Variants in IKZF1 observed in about 807,000 individuals in gnomAD.
IKZF1 encodes DNA-binding protein Ikaros.
A neutral mutation model predicts 51.7 loss-of-function variants in IKZF1; 10 were observed. The observed-to-expected ratio is 0.19, with a 90% confidence interval of 0.12 to 0.33. IKZF1 has a LOEUF of 0.33. IKZF1 is among the 10% of genes least tolerant of loss of function. The probability of loss-of-function intolerance (pLI) is 1.00; values close to 1 mark genes in which losing one functional copy is unlikely to be tolerated. For synonymous variants in IKZF1, 280 were observed against 282.3 expected (o/e 0.99, Z 0.08); for missense variants, 484 against 707.5 (o/e 0.68, Z 3.58).
At chr7:50,350,757 G>T (rs371247613) in intron 3 of IKZF1, among the ~76,000 whole-genome samples, 2 of 152,144 alleles carry the variant, frequency 1.3e-5, no homozygotes, top group East Asian at 3.9e-4. Context: ...CATAAATGTA[G>T]ATCTTTGGTA....
chr7:50,313,411 T>G (rs117083015), intron 1 of IKZF1, among the ~76,000 whole-genome samples: 1 of 152,208 alleles, frequency 6.6e-6, no homozygotes, highest in East Asian at 1.9e-4. Flanking sequence ...TAGCATACAT[T>G]TGGCCAAATA....
At chr7:50,310,426 C>T (rs1343495356) in intron 1 of IKZF1, among the ~76,000 whole-genome samples, 1 of 152,134 alleles carries the variant, frequency 6.6e-6, no homozygotes, top group Non-Finnish European at 1.5e-5. Flanking sequence ...CATTTTCTGT[C>T]AGGTTATAAA....
intron 1 of IKZF1, among the ~76,000 whole-genome samples, chr7:50,310,026 A>T (rs1789779999): frequency 6.6e-6 from 1 of 152,228 alleles, no homozygotes; most frequent in African/African-American, 2.4e-5. Flanking sequence ...CAGAAAATTA[A>T]GCTGATATTC....
chr7:50,343,015 CCTGT>C lies in IKZF1; in HGVS notation c.160+15261_160+15264del, dbSNP rs544333431. Among the ~76,000 whole-genome samples, 154 of 151,990 alleles carry C rather than the reference CCTGT, an allele frequency of 1.0e-3. 1 individual carries two copies. Among genetic ancestry groups the C allele is most frequent in the African/African-American group, 3.4e-3 (141 of 41,384 alleles). On this transcript the variant is annotated intron_variant, in intron 3 of 7. Transcript: ENST00000331340. ...TTTCTTTCCTCCTTTTTCCTTCCTT[CCTGT>C]CTTTCTTCTTCCTTCCTTCCTTTCT...
intron 1 of IKZF1, among the ~76,000 whole-genome samples, chr7:50,309,105 T>A (rs538650554): frequency 6.6e-6 from 1 of 152,358 alleles, no homozygotes; most frequent in South Asian, 2.1e-4. Context: ...GATGGCCCCA[T>A]GCTCCACCTC....
At chr7:50,342,803 C>A (rs1176939896) in intron 3 of IKZF1, among the ~76,000 whole-genome samples, 1 of 152,230 alleles carries the variant, frequency 6.6e-6, no homozygotes, top group Non-Finnish European at 1.5e-5. Context: ...CAGACCCCAG[C>A]CTTCCTGTGA....
intron 5 of IKZF1, among the ~76,000 whole-genome samples, chr7:50,386,822 T>C (rs147750691): frequency 5.9e-4 from 90 of 152,350 alleles, no homozygotes; most frequent in African/African-American, 2.1e-3. Flanking sequence ...TTCAAGCATA[T>C]TTGTCCAGCA....
At chr7:50,387,546 C>A (rs2153488728) in intron 6 of IKZF1, 76 bp downstream of exon 6, 1 of 1,501,288 alleles carries the variant, frequency 6.7e-7, no homozygotes, top group Non-Finnish European at 8.9e-7. Context: ...GCTCTGCATG[C>A]AGCCTTAGGA....
chr7:50,361,280 G>A (rs1187214303), intron 3 of IKZF1, among the ~76,000 whole-genome samples: 1 of 152,106 alleles, frequency 6.6e-6, no homozygotes, highest in East Asian at 1.9e-4. Flanking sequence ...TATAAAACTT[G>A]GGGGTAATTT....
chr7:50,327,679 G>A lies in IKZF1; in HGVS notation c.82G>A (p.Asp28Asn), dbSNP rs778910457. 1.4e-5 allele frequency: 23 copies of A among 1,613,396 alleles called. No homozygotes were observed. The Admixed American group carries it at 1.7e-4, about 12-fold the overall frequency. ...TGTAAGCGATACTCCAGATGAGGGC[G>A]ATGAGCCCATGCCGATCCCCGAGGA... ...PPVSDTPDEG[D>N]EPMPIPEDLS... The change falls in exon 3 of 8, where the codon GAT becomes AAT. Residue 28 changes from aspartate to asparagine, a missense_variant. Asp to Asn is a conservative substitution (Grantham distance 23, BLOSUM62 1). Transcript: ENST00000331340.
At chr7:50,344,042 CA>C (rs1433514246) in intron 3 of IKZF1, among the ~76,000 whole-genome samples, 2 of 152,054 alleles carry the variant, frequency 1.3e-5, no homozygotes, top group East Asian at 3.8e-4. Flanking sequence ...CCCAAACCCC[CA>C]AAAAATCCTC....
intron 3 of IKZF1, chr7:50,368,020 G>A (rs2153456093): frequency 1.4e-6 from 1 of 699,568 alleles, no homozygotes; most frequent in East Asian, 2.7e-5. Flanking sequence ...ATATGGGGCT[G>A]ATGACTTTAG....
At position 50,382,604 on chromosome 7, in the gene IKZF1, G is replaced by A. The variant is rs2153477621; in HGVS notation, c.486G>A (p.Arg162=). ...TCACCCAGAAGGGCAACCTGCTCCG[G>A]CACATCAAGCTGCATTCCGGGGAGA... ...ASFTQKGNLL[R]HIKLHSGEKP... The change falls in exon 5 of 8, where the codon CGG becomes CGA. Residue 162 remains arginine (R), a synonymous_variant. Coordinates refer to ENST00000331340, the MANE Select transcript of IKZF1 (RefSeq NM_006060.6). 1 of 1,613,692 alleles carries A rather than the reference G, an allele frequency of 6.2e-7. No homozygotes were observed. Among genetic ancestry groups the A allele is most frequent in the South Asian group, 1.1e-5 (1 of 91,056 alleles).
chr7:50,399,126 C>G (rs1359278936), intron 7 of IKZF1, among the ~76,000 whole-genome samples: 1 of 152,212 alleles, frequency 6.6e-6, no homozygotes, highest in African/African-American at 2.4e-5. Context: ...ATCAATAATT[C>G]TCATTACTTT....
intron 3 of IKZF1, among the ~76,000 whole-genome samples, chr7:50,348,217 C>T (rs1800877807): frequency 1.3e-5 from 2 of 152,158 alleles, no homozygotes; most frequent in Admixed American, 6.5e-5. Flanking sequence ...GAAAGAAATT[C>T]ATTTTTTAAG....
chr7:50,335,455 T>C (rs1288129387), intron 3 of IKZF1, among the ~76,000 whole-genome samples: 1 of 115,762 alleles, frequency 8.6e-6, no homozygotes, highest in Middle Eastern at 7.1e-3. Flanking sequence ...GTGTGTGTGG[T>C]GTGTATGTGT....
chr7:50,370,167 A>G (rs934103319), intron 3 of IKZF1, among the ~76,000 whole-genome samples: 1 of 152,244 alleles, frequency 6.6e-6, no homozygotes, highest in Non-Finnish European at 1.5e-5. Context: ...TTTCAAGCTT[A>G]CATGGCCTAA....
Position 50,382,711 on chromosome 7 carries a change from G to C in IKZF1, c.589+4G>C. The C allele has an allele frequency of 6.2e-7, 1 of 1,604,326 alleles. No homozygotes were observed. Among genetic ancestry groups the C allele is most frequent in the South Asian group, 1.1e-5 (1 of 90,700 alleles). On this transcript the variant is annotated splice_donor_region_variant and intron_variant, in intron 5 of 7. Coordinates refer to ENST00000331340, the MANE Select transcript of IKZF1 (RefSeq NM_006060.6). Reference sequence around the variant, plus strand: ...GGCCACCTGAGGACGCACTCCGGTAGGTCCCCTGGATGCAGTCCGGGGCTG... The same window carrying C: ...GGCCACCTGAGGACGCACTCCGGTACGTCCCCTGGATGCAGTCCGGGGCTG...
chr7:50,386,965 C>T (rs1813553995), intron 5 of IKZF1, among the ~76,000 whole-genome samples: 1 of 152,200 alleles, frequency 6.6e-6, no homozygotes, highest in African/African-American at 2.4e-5. Context: ...GGAGGCAAAT[C>T]TGCAGACAAT....
Sources: gnomAD v4.1 joint callset for allele counts (sites outside exome capture counted in the v4.1 genomes callset) on GRCh38, gnomAD v4.1.1 for gene constraint, MANE v1.5 for transcripts, NCBI Gene and HGNC (gene_info 2026-07-23, HGNC 2026-07-21) for gene names.